Variants in PRR14L observed in about 807,000 individuals in gnomAD.
The protein encoded by PRR14L is protein PRR14L.
In PRR14L, 80 loss-of-function variants were observed where a neutral mutation model predicts 155.0. The ratio of observed to expected loss-of-function variants is 0.52; its 90% CI spans 0.43 to 0.62. PRR14L has a LOEUF of 0.62. Ranked by LOEUF, PRR14L falls within the 20% of genes least tolerant of loss-of-function variation. The probability of loss-of-function intolerance (pLI) is 0.00; values close to 1 mark genes in which losing one functional copy is unlikely to be tolerated. For missense variants in PRR14L, 2,469 were observed against 2,548.0 expected, an observed-to-expected ratio of 0.97 and a Z score of 0.67; for synonymous variants, 883 against 916.0, an observed-to-expected ratio of 0.96 and a Z score of 0.65.
chr22:31,711,479 A>G (rs2074621740), intron 4 of PRR14L, among the ~76,000 whole-genome samples: 1 of 152,036 alleles, frequency 6.6e-6, no homozygotes, highest in South Asian at 2.1e-4. Context: ...CAAAAAATAA[A>G]TAAATAAACA....
In PRR14L at chr22:31,712,643, A is replaced by G. The variant is rs1206173526; in HGVS notation, c.5196T>C (p.Thr1732=). Residue 1732 remains threonine (T), a synonymous_variant, in exon 4 of 9, where the codon ACT becomes ACC. Coordinates refer to ENST00000327423, the MANE Select transcript of PRR14L (RefSeq NM_173566.3). ...HVKSSSSDCT[T]ESSRTFPEHC... The stretch of plus-strand genomic sequence containing the variant: ...GCTCAGGAAAAGTCCTTGAGGACTC[A>G]GTCGTGCAATCTGAGCTGGATGATT... 3.9e-6 allele frequency: 6 copies of G among 1,551,796 alleles called. No individual in the cohort carries two copies. The highest frequency in any genetic ancestry group is 3.9e-5 in the Admixed American group (2 of 51,004).
intron 7 of PRR14L, among the ~76,000 whole-genome samples, chr22:31,699,486 T>C (rs544190660): frequency 6.6e-6 from 1 of 152,250 alleles, no homozygotes. Context: ...GGAATGCTCA[T>C]TGGAGCATTT....
At chr22:31,733,599 T>C (rs2147873515) in intron 2 of PRR14L, among the ~76,000 whole-genome samples, 1 of 152,208 alleles carries the variant, frequency 6.6e-6, no homozygotes, top group South Asian at 2.1e-4. Flanking sequence ...AAGTCTATCT[T>C]TTAAGGCAGG....
In PRR14L at chr22:31,685,304, T is replaced by A; in HGVS notation, c.*223A>T. 1.9e-6 allele frequency: 1 copy of A among 524,898 alleles called. No individual in the cohort carries two copies. The allele number at this position is 524,898 out of a possible 1,614,324, so 32.5% of individuals were successfully genotyped here. ...CAGGAGAAAGGGAGCATTCCTGAGG[T>A]TCTATACTCAGCAGTAAAAGTAGAG... is the stretch of plus-strand genomic sequence containing the variant. On this transcript the variant is annotated 3_prime_UTR_variant, in exon 9 of 9. Coordinates refer to ENST00000327423, the MANE Select transcript of PRR14L (RefSeq NM_173566.3).
rs9621321 is a variant in PRR14L at position 31,715,163 on chromosome 22, G to C, written c.2676C>G (p.Thr892=). The change falls in exon 4 of 9, where the codon ACC becomes ACG. Residue 892 remains threonine (T), a synonymous_variant. Transcript: ENST00000327423. The part of the protein sequence containing the change: ...NSGISNKTIH[T]SSSIKLSEEG... ...CCTCACTGAGTTTGATGCTACTGGA[G>C]GTGTGAATGGTTTTGTTTGAAATTC... 8,046 of 1,551,798 alleles carry C rather than the reference G, an allele frequency of 5.2e-3. 313 individuals are homozygous for C. In the African/African-American group the frequency reaches 0.084, roughly 16 times the overall value.
In PRR14L at chr22:31,713,705, T is replaced by C. The variant is rs1346641019; in HGVS notation, c.4134A>G (p.Lys1378=). 6.4e-7 allele frequency: 1 copy of C among 1,552,312 alleles called. No homozygotes were observed. Among genetic ancestry groups the C allele is most frequent in the South Asian group, 1.2e-5 (1 of 84,056 alleles). Residue 1378 remains lysine (K), a synonymous_variant, in exon 4 of 9, where the codon AAA becomes AAG. Coordinates refer to ENST00000327423, the MANE Select transcript of PRR14L (RefSeq NM_173566.3). ...PVSNISQTHF[K]CRGILNHAEK... is the part of the protein sequence containing the mutation. ...CAGCATGATTAAGTATCCCCCGGCA[T>C]TTAAAATGGGTCTGAGAGATGTTGC...
intron 2 of PRR14L, among the ~76,000 whole-genome samples, chr22:31,732,645 T>C (rs902790630): frequency 6.6e-6 from 1 of 152,238 alleles, no homozygotes; most frequent in Non-Finnish European, 1.5e-5. Flanking sequence ...CTTTGGTCTA[T>C]GCCTGCTTCC....
At chr22:31,703,253 C>T (rs1261440328) in intron 6 of PRR14L, among the ~76,000 whole-genome samples, 1 of 152,176 alleles carries the variant, frequency 6.6e-6, no homozygotes, top group African/African-American at 2.4e-5. Context: ...ACATCATCAC[C>T]ATCCACTCAT....
At chr22:31,705,594 AAAC>A (rs1289551103) in intron 4 of PRR14L, among the ~76,000 whole-genome samples, 1 of 151,516 alleles carries the variant, frequency 6.6e-6, no homozygotes, top group East Asian at 2.0e-4. Flanking sequence ...GGCTGGTCTC[AAAC>A]TCCTGGCCTT....
At chr22:31,727,433 C>T (rs949206910) in intron 2 of PRR14L, among the ~76,000 whole-genome samples, 2 of 151,570 alleles carry the variant, frequency 1.3e-5, no homozygotes, top group Admixed American at 6.6e-5. Context: ...AGGGTTTCAC[C>T]GTTGTTGCTC....
rs921494725 is a variant in PRR14L at position 31,716,682 on chromosome 22, T to A, written c.1157A>T (p.Asp386Val). ...KTDSSYFYRG[D>V]DQGKNLASRE... Reference sequence around the variant, plus strand: ...AGAAGCCAAGTTCTTCCCTTGATCATCCCCCCTATAAAAATAAGAACTGTC... The same window carrying A: ...AGAAGCCAAGTTCTTCCCTTGATCAACCCCCCTATAAAAATAAGAACTGTC... The change falls in exon 4 of 9, where the codon GAT becomes GTT. Residue 386 changes from aspartate (D) to valine (V), a missense_variant. By Grantham distance (152) the Asp-to-Val change is radical. Transcript: ENST00000327423. The A allele has an allele frequency of 3.9e-5, 60 of 1,551,878 alleles. No homozygotes were observed. Among genetic ancestry groups the A allele is most frequent in the Non-Finnish European group, 5.1e-5 (59 of 1,147,040 alleles).
intron 3 of PRR14L, among the ~76,000 whole-genome samples, chr22:31,719,730 T>C (rs909716633): frequency 2.7e-5 from 4 of 150,836 alleles, no homozygotes; most frequent in Non-Finnish European, 5.9e-5. Context: ...CAATCATGGC[T>C]CTGTGACACT....
In PRR14L at chr22:31,716,458, G is replaced by A; in HGVS notation, c.1381C>T (p.Pro461Ser). 1 of 1,550,794 alleles carries A rather than the reference G, an allele frequency of 6.4e-7. No individual in the cohort carries two copies. The highest frequency in any genetic ancestry group is 8.7e-7 in the Non-Finnish European group (1 of 1,146,478). ...TCTGTGGCTTCAGTAAAAGAATTGG[G>A]CATTAAAGAACTAGAGTTCCCTGTA... Reference protein sequence around the residue: ...LHTGNSSSLMPNSFTEATEVM... With the variant: ...LHTGNSSSLMSNSFTEATEVM... Residue 461 changes from proline (P) to serine (S), a missense_variant, in exon 4 of 9, where the codon CCC (proline) becomes TCC (serine). This residue lies in a region of PRR14L where 2,363 missense variants were observed against 2,371.6 expected (regional missense o/e 1.00). Transcript: ENST00000327423.
intron 4 of PRR14L, among the ~76,000 whole-genome samples, chr22:31,709,206 G>T (rs2074607531): frequency 1.3e-5 from 2 of 151,694 alleles, no homozygotes; most frequent in Non-Finnish European, 2.9e-5. Flanking sequence ...GCCTCCCAAA[G>T]TGCTGGGATT....
At chr22:31,742,556 G>A (rs554678294) in intron 1 of PRR14L, among the ~76,000 whole-genome samples, 35 of 152,040 alleles carry the variant, frequency 2.3e-4, no homozygotes, top group East Asian at 5.8e-4. Flanking sequence ...TAGTAGAGAC[G>A]GGGTTTCACC....
intron 2 of PRR14L, among the ~76,000 whole-genome samples, chr22:31,736,052 CAAA>C (rs36027153): frequency 1.1e-5 from 1 of 86,996 alleles, no homozygotes; most frequent in Non-Finnish European, 2.2e-5. Context: ...GACTCCATCT[CAAA>C]AAAAAAAAAA....
intron 1 of PRR14L, among the ~76,000 whole-genome samples, 191 bp from the exon 2 acceptor site, chr22:31,739,102 T>A (rs1489489099): frequency 6.6e-6 from 1 of 152,212 alleles, no homozygotes; most frequent in African/African-American, 2.4e-5. Flanking sequence ...ACGTTTGAGA[T>A]TAGACAGCTC....
At position 31,703,566 on chromosome 22, in the gene PRR14L, G is replaced by A; in HGVS notation, c.5984C>T (p.Pro1995Leu). Residue 1995 changes from proline (P) to leucine (L), a missense_variant, in exon 6 of 9, where the codon CCC becomes CTC. Pro to Leu is a moderately conservative substitution (Grantham distance 98, BLOSUM62 -3). Coordinates refer to ENST00000327423, the MANE Select transcript of PRR14L (RefSeq NM_173566.3). ...KAACPCPQSS[P>L]PEQKEAEPEK... ...TACACTTACCTCTTTCTGTTCTGGG[G>A]GGCTGCTCTGTGGGCAGGGGCATGC... 6 of 1,612,910 alleles carry A rather than the reference G, an allele frequency of 3.7e-6. No individual in the cohort carries two copies. The highest frequency in any genetic ancestry group is 5.1e-6 in the Non-Finnish European group (6 of 1,179,384).
intron 2 of PRR14L, among the ~76,000 whole-genome samples, chr22:31,726,288 G>A (rs1182848779): frequency 2.0e-5 from 3 of 151,826 alleles, no homozygotes; most frequent in Non-Finnish European, 4.4e-5. Context: ...CCACCACTAT[G>A]CCTAGCTAAT....
Sources: allele counts gnomAD v4.1 joint callset (sites outside exome capture counted in the v4.1 genomes callset), GRCh38; gene constraint gnomAD v4.1.1; regional missense constraint gnomAD v4.1.1; transcripts MANE v1.5; gene names NCBI Gene and HGNC (gene_info 2026-07-23, HGNC 2026-07-21).